The following MYCBP2 variants were observed in gnomAD, a reference collection of about 807,000 sequenced individuals.
MYCBP2 encodes MYC binding protein 2.
MYCBP2 carries 120 observed loss-of-function variants against 525.3 expected under a neutral mutation model. The observed-to-expected ratio is 0.23, with a 90% CI of 0.20 to 0.27. The LOEUF (loss-of-function observed/expected upper bound fraction) is 0.27, where lower values mean the gene tolerates loss of function less well. MYCBP2 is among the 10% of genes least tolerant of loss of function. The pLI is 1.00. For synonymous variants in MYCBP2, 1,894 were observed against 1,955.8 expected, an observed-to-expected ratio of 0.97 and a Z score of 0.83; for missense variants, 4,149 against 5,657.1, an observed-to-expected ratio of 0.73 and a Z score of 8.55.
At chr13:77,108,709 T>TA (rs1316805865) in intron 55 of MYCBP2, among the ~76,000 whole-genome samples, 39 of 143,472 alleles carry the variant, frequency 2.7e-4, no homozygotes, top group Admixed American at 2.1e-3. Flanking sequence ...TACTTTATTT[T>TA]TTTTTTTTTT....
At chr13:77,092,058 GA>G (rs1490649171) in intron 59 of MYCBP2, among the ~76,000 whole-genome samples, 6 of 145,148 alleles carry the variant, frequency 4.1e-5, no homozygotes, top group African/African-American at 1.5e-4. Flanking sequence ...TTGGGGAGGG[GA>G]GAAGTTGCAT....
chr13:77,238,918 T>C (rs1055480329), intron 17 of MYCBP2, among the ~76,000 whole-genome samples: 7 of 152,126 alleles, frequency 4.6e-5, no homozygotes, highest in African/African-American at 1.7e-4. Context: ...GTCAGAAGTT[T>C]GAGACCAGCC....
At chr13:77,280,399 T>A (rs2076064869) in intron 3 of MYCBP2, among the ~76,000 whole-genome samples, 4 of 152,182 alleles carry the variant, frequency 2.6e-5, no homozygotes, top group Admixed American at 2.6e-4. Context: ...AAGATTTCCA[T>A]CTGCTTATGT....
chr13:77,051,977 T>C (rs1594036196), intron 80 of MYCBP2, 59 bp from the exon 81 acceptor site: 3 of 1,267,088 alleles, frequency 2.4e-6, no homozygotes, highest in East Asian at 4.7e-5. Flanking sequence ...GCATGGGAGA[T>C]ACAGTATGGG....
chr13:77,199,533 G>T (rs1389506847), intron 26 of MYCBP2, among the ~76,000 whole-genome samples: 1 of 152,232 alleles, frequency 6.6e-6, no homozygotes, highest in Non-Finnish European at 1.5e-5. Flanking sequence ...ACTGGGTGGA[G>T]CCCACCACAG....
chr13:77,284,593 T>C (rs1366819382), intron 3 of MYCBP2, among the ~76,000 whole-genome samples: 1 of 152,196 alleles, frequency 6.6e-6, no homozygotes, highest in Non-Finnish European at 1.5e-5. Flanking sequence ...TTACCTCTCA[T>C]TCATCAGGTG....
chr13:77,185,839 C>T (rs1205159923), intron 31 of MYCBP2, 32 bp downstream of exon 31: 3 of 1,454,180 alleles, frequency 2.1e-6, no homozygotes, highest in Middle Eastern at 1.8e-4. Context: ...AATATTTTCT[C>T]CCTATAGTCA....
intron 74 of MYCBP2, among the ~76,000 whole-genome samples, chr13:77,062,377 T>C (rs1044533505): frequency 2.0e-5 from 3 of 152,206 alleles, no homozygotes; most frequent in African/African-American, 7.2e-5. Context: ...AGCTCTTTAA[T>C]ATACTTAAAT....
intron 31 of MYCBP2, 136 bp from the exon 32 acceptor site, chr13:77,185,513 A>AT (rs1222481258): frequency 1.0e-6 from 1 of 992,712 alleles, no homozygotes; most frequent in Non-Finnish European, 1.4e-6. Flanking sequence ...CAACTTAGAG[A>AT]TTAAGTGTAG....
Position 77,326,823 on chromosome 13 carries a change from G to A in MYCBP2, c.-48C>T, listed in dbSNP as rs1157912107. On this transcript the variant is annotated 5_prime_UTR_variant, in exon 1 of 83. Transcript: ENST00000544440. The surrounding 1 kb of genome is among the most constrained non-coding windows in gnomAD (Gnocchi z 4.2). ...GCCGCCTCGTCCCCGCGGGCCGGGC[G>A]GGCAGACACGCGCGCGCACACACAG... 3.6e-6 allele frequency: 5 copies of A among 1,378,738 alleles called. No individual in the cohort carries two copies. The highest frequency in any genetic ancestry group is 8.0e-5 in the Admixed American group (2 of 24,942). The allele number at this position is 1,378,738 out of a possible 1,614,324, so 85.4% of individuals were successfully genotyped here.
rs2285387 is a variant in MYCBP2 at position 77,058,910 on chromosome 13, G to A, written c.13141-504C>T. Among the ~76,000 whole-genome samples the A allele has an allele frequency of 0.63, 95,756 of 151,878 alleles. 32,536 individuals are homozygous for A. The highest frequency in any genetic ancestry group is 0.76 in the Admixed American group (11,574 of 15,282). On this transcript the variant is annotated intron_variant, in intron 77 of 82. Coordinates refer to ENST00000544440, the MANE Select transcript of MYCBP2 (RefSeq NM_015057.5). This position sits in a 1 kb window ranked among gnomAD's most constrained non-coding sequence, Gnocchi z 4.1. ...TGAGGCAGGAGAATCGCTTGAACCC[G>A]GGAGGCGGAGGTTGCAGTGAGCCGA... is the stretch of plus-strand genomic sequence containing the variant.
At chr13:77,243,688 G>T (rs1594267795) in intron 16 of MYCBP2, 118 bp downstream of exon 16, 1 of 829,964 alleles carries the variant, frequency 1.2e-6, no homozygotes, top group Non-Finnish European at 1.8e-6. Context: ...AAGCAGTATT[G>T]CATACATTAA....
chr13:77,140,499 T>C (rs1435192848), intron 50 of MYCBP2, among the ~76,000 whole-genome samples: 4 of 152,252 alleles, frequency 2.6e-5, no homozygotes, highest in South Asian at 2.1e-4. Context: ...TTTTTTAACA[T>C]GCAGTTTACC....
At chr13:77,298,365 T>A (rs1191551016) in intron 1 of MYCBP2, among the ~76,000 whole-genome samples, 1 of 152,250 alleles carries the variant, frequency 6.6e-6, no homozygotes, top group Admixed American at 6.5e-5. Context: ...CGTATATTTA[T>A]GTTTCATTGT....
chr13:77,300,506 A>C (rs1180665761), intron 1 of MYCBP2, among the ~76,000 whole-genome samples: 1 of 152,194 alleles, frequency 6.6e-6, no homozygotes, highest in African/African-American at 2.4e-5. Context: ...CTTTTAGTTC[A>C]CAGGCTACAT....
chr13:77,238,101 G>A (rs932720791), intron 17 of MYCBP2, among the ~76,000 whole-genome samples: 9 of 151,938 alleles, frequency 5.9e-5, no homozygotes, highest in Admixed American at 1.3e-4. Context: ...AAATTAGCCC[G>A]GTGTGGTGGT....
chr13:77,095,093 A>G (rs2046040149), intron 58 of MYCBP2, among the ~76,000 whole-genome samples: 1 of 152,198 alleles, frequency 6.6e-6, no homozygotes, highest in Admixed American at 6.5e-5. Flanking sequence ...CCAAAGAGTA[A>G]AAGATAGCTA....
chr13:77,177,149 A>T (rs970565133), intron 35 of MYCBP2, among the ~76,000 whole-genome samples: 2 of 118,338 alleles, frequency 1.7e-5, no homozygotes, highest in Non-Finnish European at 3.5e-5. Context: ...ATGACAATAT[A>T]AAAAAAAAAA....
At chr13:77,266,289 C>T (rs1012673601) in intron 8 of MYCBP2, among the ~76,000 whole-genome samples, 1 of 152,060 alleles carries the variant, frequency 6.6e-6, no homozygotes, top group Non-Finnish European at 1.5e-5. Context: ...ACGATAGGAA[C>T]GCTCATTACA....
Sources: allele counts gnomAD v4.1 joint callset (sites outside exome capture counted in the v4.1 genomes callset), GRCh38; gene constraint gnomAD v4.1.1; non-coding constraint Gnocchi (gnomAD v3.1); transcripts MANE v1.5; gene names NCBI Gene and HGNC (gene_info 2026-07-23, HGNC 2026-07-21).